KCNQ1: variants seen among roughly 807,000 people sequenced by gnomAD.
The protein encoded by KCNQ1 is potassium voltage-gated channel subfamily KQT member 1.
KCNQ1 carries 49 observed loss-of-function variants against 72.4 expected under a neutral mutation model. The observed-to-expected ratio is 0.68, with a 90% CI of 0.54 to 0.86. The LOEUF is 0.86. Ranked by LOEUF, KCNQ1 falls within the 40% of genes least tolerant of loss-of-function variation. The probability of loss-of-function intolerance (pLI) is 0.00; values close to 1 mark genes in which losing one functional copy is unlikely to be tolerated. For synonymous variants in KCNQ1, 450 were observed against 412.6 expected, an observed-to-expected ratio of 1.09 and a Z score of -1.10; for missense variants, 790 against 945.1, an observed-to-expected ratio of 0.84 and a Z score of 2.15.
intron 10 of KCNQ1, chr11:2,640,663 C>A (rs1175324090): frequency 5.0e-6 from 2 of 398,200 alleles, no homozygotes; most frequent in Non-Finnish European, 8.8e-6. Flanking sequence ...ATCCATCACC[C>A]TCAATTTATC....
chr11:2,836,514 C>G (rs11024285), intron 15 of KCNQ1, among the ~76,000 whole-genome samples: 1 of 152,208 alleles, frequency 6.6e-6, no homozygotes, highest in East Asian at 1.9e-4. Context: ...CCCCTCCCCC[C>G]GAACACCAGC....
At chr11:2,779,691 C>T (rs141908768) in intron 15 of KCNQ1, among the ~76,000 whole-genome samples, 2 of 152,264 alleles carry the variant, frequency 1.3e-5, no homozygotes, top group East Asian at 1.9e-4. Context: ...TGGCATCCTG[C>T]GGGGGTGATG....
In KCNQ1 at chr11:2,713,405, G is replaced by A. The variant is rs1001528571; in HGVS notation, c.1514+51324G>A. Among the ~76,000 whole-genome samples, 3 of 152,098 alleles carry A rather than the reference G, an allele frequency of 2.0e-5. No individual in the cohort carries two copies. The highest frequency in any genetic ancestry group is 4.4e-5 in the Non-Finnish European group (3 of 68,018). On this transcript the variant is annotated intron_variant, in intron 11 of 15. Coordinates refer to ENST00000155840, the MANE Select transcript of KCNQ1 (RefSeq NM_000218.3). This position sits in a 1 kb window ranked among gnomAD's most constrained non-coding sequence, Gnocchi z 5.6. The stretch of plus-strand genomic sequence containing the variant: ...TATTTTATTATTCCAGCTATATTAC[G>A]TTGGGAAGAGCTACAGAAATGGTTT...
chr11:2,616,988 A>G, intron 10 of KCNQ1: 1 of 397,786 alleles, frequency 2.5e-6, no homozygotes, highest in Non-Finnish European at 4.4e-6. Context: ...TTTTAAAAAT[A>G]TGCATATTTA....
intron 1 of KCNQ1, among the ~76,000 whole-genome samples, chr11:2,459,623 C>T (rs555224617): frequency 2.9e-4 from 44 of 152,248 alleles, no homozygotes; most frequent in Admixed American, 1.0e-3. Flanking sequence ...CTTGTTGTTC[C>T]GTCCACAGTA....
Position 2,464,114 on chromosome 11 carries a change from T to G in KCNQ1, c.386+18630T>G, listed in dbSNP as rs1846317940. 6.6e-6 allele frequency among the ~76,000 whole-genome samples: 1 copy of G among 152,140 alleles called. No homozygotes were observed. The highest frequency in any genetic ancestry group is 2.4e-5 in the African/African-American group (1 of 41,426). On this transcript the variant is annotated intron_variant, in intron 1 of 15. Transcript: ENST00000155840. This position sits in a 1 kb window ranked among gnomAD's most constrained non-coding sequence, Gnocchi z 5.0. Reference sequence around the variant, plus strand: ...ACGGGACAATTAGAACGACTGGGCCTGACTGGCACAGGGATGTGGACTACG... The same window carrying G: ...ACGGGACAATTAGAACGACTGGGCCGGACTGGCACAGGGATGTGGACTACG...
At chr11:2,572,782 G>A (rs952466176) in intron 5 of KCNQ1, 64 bp from the exon 6 acceptor site, 13 of 1,607,790 alleles carry the variant, frequency 8.1e-6, no homozygotes, top group African/African-American at 4.0e-5. Flanking sequence ...TGCCTTAGGC[G>A]TCTGCACAGG....
At chr11:2,540,339 A>G (rs1307867461) in intron 2 of KCNQ1, among the ~76,000 whole-genome samples, 1 of 152,218 alleles carries the variant, frequency 6.6e-6, no homozygotes, top group Non-Finnish European at 1.5e-5. Flanking sequence ...GTGTGTCATC[A>G]TGTGACTTTG....
intron 2 of KCNQ1, among the ~76,000 whole-genome samples, chr11:2,531,608 G>C (rs1375331722): frequency 1.3e-5 from 2 of 152,176 alleles, no homozygotes; most frequent in South Asian, 2.1e-4. Context: ...CTGGTCAGCA[G>C]GAACCGGCCC....
chr11:2,757,431 A>G (rs1021410178), intron 11 of KCNQ1, among the ~76,000 whole-genome samples: 2 of 152,254 alleles, frequency 1.3e-5, no homozygotes, highest in African/African-American at 4.8e-5. Context: ...CAAGACCTAA[A>G]TCAATGGAGA....
Position 2,698,390 on chromosome 11 carries a change from G to A in KCNQ1, c.1514+36309G>A. The A allele has an allele frequency of 2.5e-6, 1 of 398,392 alleles. No homozygotes were observed. The highest frequency in any genetic ancestry group is 4.4e-6 in the Non-Finnish European group (1 of 226,036). The allele number at this position is 398,392 out of a possible 1,614,324, so 24.7% of individuals were successfully genotyped here. A position where few individuals can be genotyped will look rare whatever the true frequency, so the allele number is the denominator to read the frequency against. On this transcript the variant is annotated intron_variant, in intron 11 of 15. Transcript: ENST00000155840. The surrounding 1 kb of genome is among the most constrained non-coding windows in gnomAD (Gnocchi z 5.1). ...TTGACCTGCTCAGGGACCACAGTGGGGTACTGGGATCTGAACATAGTGGTG... is the reference window on the plus strand; with the variant it reads ...TTGACCTGCTCAGGGACCACAGTGGAGTACTGGGATCTGAACATAGTGGTG...
chr11:2,525,413 C>T (rs926376301), intron 1 of KCNQ1, among the ~76,000 whole-genome samples: 27 of 152,374 alleles, frequency 1.8e-4, no homozygotes, highest in African/African-American at 6.0e-4. Context: ...CGTGCTAGCG[C>T]TGTGCGGATT....
At chr11:2,806,479 G>A (rs969289916) in intron 15 of KCNQ1, among the ~76,000 whole-genome samples, 5 of 152,194 alleles carry the variant, frequency 3.3e-5, no homozygotes, top group African/African-American at 9.6e-5. Context: ...GGGAGGGTAG[G>A]CGACCCGCCT....
Position 2,645,511 on chromosome 11 carries a change from T to C in KCNQ1, c.1394-16450T>C, listed in dbSNP as rs532001918. The stretch of plus-strand genomic sequence containing the variant: ...TCATGTTGGGGCAGCAGCAACTCTA[T>C]TGCAGCCCTACTCCTGGGGAAGTTG... On this transcript the variant is annotated intron_variant, in intron 10 of 15. Coordinates refer to ENST00000155840, the MANE Select transcript of KCNQ1 (RefSeq NM_000218.3). The surrounding 1 kb of genome is among the most constrained non-coding windows in gnomAD (Gnocchi z 5.8). 10 of 398,726 alleles carry C rather than the reference T, an allele frequency of 2.5e-5. No homozygotes were observed. Among genetic ancestry groups the C allele is most frequent in the African/African-American group, 2.1e-4 (10 of 48,758 alleles). The allele number at this position is 398,726 out of a possible 1,614,324, so 24.7% of individuals were successfully genotyped here.
chr11:2,648,594 T>C (rs1849703533), intron 10 of KCNQ1: 7 of 398,430 alleles, frequency 1.8e-5, no homozygotes, highest in Non-Finnish European at 2.2e-5. Flanking sequence ...AAGTTCCTCT[T>C]GTTATTGATT....
chr11:2,757,684 C>T (rs569546016), intron 11 of KCNQ1, among the ~76,000 whole-genome samples: 1 of 152,300 alleles, frequency 6.6e-6, no homozygotes, highest in East Asian at 1.9e-4. Context: ...AGTAAGGAAT[C>T]AATATGATTT....
chr11:2,706,680 G>A (rs1850916625), intron 11 of KCNQ1, among the ~76,000 whole-genome samples: 1 of 152,244 alleles, frequency 6.6e-6, no homozygotes, highest in Non-Finnish European at 1.5e-5. Flanking sequence ...GGCTTTTACT[G>A]ATGGTTGGTG....
intron 11 of KCNQ1, among the ~76,000 whole-genome samples, chr11:2,717,370 C>T (rs1483049506): frequency 6.6e-6 from 1 of 152,220 alleles, no homozygotes; most frequent in Non-Finnish European, 1.5e-5. Flanking sequence ...CACCTCTGCG[C>T]ACAGTATGCC....
rs572565752 is a variant in KCNQ1, at chr11:2,620,589, A to G, written c.1393+31735A>G. 2.4e-4 allele frequency: 94 copies of G among 397,412 alleles called. No homozygotes were observed. The highest frequency in any genetic ancestry group is 2.0e-3 in the South Asian group (14 of 7,020). The allele number at this position is 397,412 out of a possible 1,614,324, so 24.6% of individuals were successfully genotyped here. ...CCACATTTTCTTTATCCAATCCACC[A>G]CTGATGGGCATCTAAGTGGATTCCA... is the stretch of plus-strand genomic sequence containing the variant. On this transcript the variant is annotated intron_variant, in intron 10 of 15. Transcript: ENST00000155840. The surrounding 1 kb of genome is among the most constrained non-coding windows in gnomAD (Gnocchi z 4.5).
Sources: allele counts gnomAD v4.1 joint callset (sites outside exome capture counted in the v4.1 genomes callset), GRCh38; gene constraint gnomAD v4.1.1; non-coding constraint Gnocchi (gnomAD v3.1); transcripts MANE v1.5; gene names NCBI Gene and HGNC (gene_info 2026-07-23, HGNC 2026-07-21).